NRCAM: variants seen among roughly 807,000 people sequenced by gnomAD.
NRCAM encodes the protein neuronal cell adhesion molecule.
In NRCAM, 83 loss-of-function variants were observed where a neutral mutation model predicts 156.5. That is an observed-to-expected ratio of 0.53 (90% CI 0.44 to 0.64). The LOEUF is 0.64. Among genes scored for constraint, NRCAM ranks in the 30% least tolerant of loss-of-function variants. The pLI is 0.00. For synonymous variants in NRCAM, 538 were observed against 563.9 expected (o/e 0.95, Z 0.65); for missense variants, 1,417 against 1,597.3 (o/e 0.89, Z 1.92).
At position 108,232,670 on chromosome 7, in the gene NRCAM, G is replaced by C. The variant is rs1483490648; in HGVS notation, c.231-148C>G. 1.3e-5 allele frequency: 7 copies of C among 539,294 alleles called. No homozygotes were observed. The African/African-American group carries it at 1.4e-4, about 11-fold the overall frequency. 33.4% of individuals were successfully genotyped at this position (539,294 alleles called of 1,614,324 possible). ...AGCAATAAGCCCTCATATCTAAAAT[G>C]TTTCATTGAATCATGACCTGGGAAA... On this transcript the variant is annotated intron_variant, in intron 6 of 32. Coordinates refer to ENST00000379028, the MANE Select transcript of NRCAM (RefSeq NM_001037132.4).
At chr7:108,423,565 G>A (rs1813085352) in intron 1 of NRCAM, among the ~76,000 whole-genome samples, 1 of 152,246 alleles carries the variant, frequency 6.6e-6, no homozygotes, top group South Asian at 2.1e-4. Context: ...AGGTTTGACT[G>A]ATGAGGTAAG....
intron 32 of NRCAM, 74 bp from the exon 33 acceptor site, chr7:108,150,221 G>A: frequency 8.0e-7 from 1 of 1,248,152 alleles, no homozygotes; most frequent in South Asian, 1.4e-5. Context: ...GACCATGCAT[G>A]CAAATTATGA....
intron 2 of NRCAM, among the ~76,000 whole-genome samples, chr7:108,350,173 ACT>A (rs1175726651): frequency 6.6e-6 from 1 of 151,640 alleles, no homozygotes; most frequent in African/African-American, 2.4e-5. Context: ...TTCCCTCTAT[ACT>A]CTCTGAAATG....
chr7:108,227,900 G>A (rs187597763), intron 8 of NRCAM, among the ~76,000 whole-genome samples: 158 of 152,324 alleles, frequency 1.0e-3, no homozygotes, highest in African/African-American at 3.6e-3. Context: ...GGAAAATGTG[G>A]AGGCAGAGCT....
intron 31 of NRCAM, 21 bp from the exon 32 acceptor site, chr7:108,159,562 A>G: frequency 1.4e-5 from 22 of 1,575,478 alleles, no homozygotes; most frequent in Non-Finnish European, 1.9e-5. Context: ...CCAAAATGGT[A>G]TTATTATCTG....
chr7:108,327,687 A>G (rs1053438617), intron 2 of NRCAM, among the ~76,000 whole-genome samples: 4 of 152,156 alleles, frequency 2.6e-5, no homozygotes, highest in African/African-American at 4.8e-5. Flanking sequence ...AACACATCCA[A>G]TTATGATATT....
intron 3 of NRCAM, among the ~76,000 whole-genome samples, chr7:108,299,041 G>C (rs1164511069): frequency 7.4e-6 from 1 of 135,198 alleles, no homozygotes; most frequent in African/African-American, 2.7e-5. Flanking sequence ...AGGAGGCAGA[G>C]TTTGCAGTGA....
intron 2 of NRCAM, among the ~76,000 whole-genome samples, chr7:108,333,635 G>A (rs1356084938): frequency 1.3e-5 from 2 of 152,078 alleles, no homozygotes; most frequent in African/African-American, 4.8e-5. Context: ...CAGGCACTCC[G>A]ATATATTTTT....
Position 108,191,747 on chromosome 7 carries a change from C to T in NRCAM, c.1885G>A (p.Ala629Thr), listed in dbSNP as rs139663718. The T allele has an allele frequency of 1.6e-5, 26 of 1,613,468 alleles. No individual in the cohort carries two copies. The highest frequency in any genetic ancestry group is 6.7e-5 in the Admixed American group (4 of 59,982). The change falls in exon 18 of 33, where the codon GCT becomes ACT. Residue 629 changes from alanine to threonine, a missense_variant. Around this residue, in one of 2 missense-constraint regions of NRCAM, gnomAD observed 1,238 missense variants for 1,336.4 expected, o/e 0.93. Transcript: ENST00000379028. ...NTTLDSVSAS[A>T]VLSVVAPTPT... Reference sequence around the variant, plus strand: ...TTCTTACCAACAACGCTAAGCACAGCGCTGGCGGAGACGCTGTCCAGAGTG... The same window carrying T: ...TTCTTACCAACAACGCTAAGCACAGTGCTGGCGGAGACGCTGTCCAGAGTG...
At chr7:108,372,841 C>A (rs143278506) in intron 2 of NRCAM, among the ~76,000 whole-genome samples, 1 of 152,230 alleles carries the variant, frequency 6.6e-6, no homozygotes, top group East Asian at 1.9e-4. Flanking sequence ...AGCATTCCTA[C>A]TTCTGGGTAT....
intron 22 of NRCAM, among the ~76,000 whole-genome samples, chr7:108,183,232 C>A (rs1370674717): frequency 6.6e-6 from 1 of 151,986 alleles, no homozygotes; most frequent in African/African-American, 2.4e-5. Context: ...ACATAGAATC[C>A]TTTTTATATT....
At chr7:108,226,923 G>A (rs554054641) in intron 8 of NRCAM, among the ~76,000 whole-genome samples, 12 of 152,242 alleles carry the variant, frequency 7.9e-5, no homozygotes, top group Admixed American at 5.2e-4. Flanking sequence ...GGCAGCAAAT[G>A]GCCAGCTGAC....
rs562581965 is a variant in NRCAM, at chr7:108,300,832, C to A, written c.-107+11833G>T. ...AAATTCAAATTTTTGATTAAAATAT[C>A]ATACTCAATACAACTCAATAACAGA... On this transcript the variant is annotated intron_variant, in intron 3 of 32. Transcript: ENST00000379028. Among the ~76,000 whole-genome samples, 12 of 152,106 alleles carry A rather than the reference C, an allele frequency of 7.9e-5. No homozygotes were observed. The East Asian group carries it at 2.3e-3, about 29-fold the overall frequency.
chr7:108,393,715 A>T (rs1456018013), intron 2 of NRCAM, among the ~76,000 whole-genome samples: 1 of 152,186 alleles, frequency 6.6e-6, no homozygotes, highest in East Asian at 1.9e-4. Context: ...CTATTCAGCC[A>T]TCTTGGAACC....
chr7:108,449,290 A>C (rs1847761445), intron 1 of NRCAM, among the ~76,000 whole-genome samples: 1 of 152,256 alleles, frequency 6.6e-6, no homozygotes, highest in African/African-American at 2.4e-5. Flanking sequence ...CTCGGCACTC[A>C]AACTGAAGCT....
At chr7:108,432,906 AGAGAG>A in intron 1 of NRCAM, among the ~76,000 whole-genome samples, 1 of 151,664 alleles carries the variant, frequency 6.6e-6, no homozygotes, top group Non-Finnish European at 1.5e-5. Flanking sequence ...AAAGAGAGAG[AGAGAG>A]AAAGAGAAAG....
At chr7:108,277,583 C>T (rs1179114790) in intron 3 of NRCAM, among the ~76,000 whole-genome samples, 2 of 151,902 alleles carry the variant, frequency 1.3e-5, no homozygotes, top group Non-Finnish European at 2.9e-5. Context: ...TTTTCAGCTC[C>T]ATCAGGTCAT....
chr7:108,182,833 C>T lies in NRCAM; in HGVS notation c.2392G>A (p.Val798Met), dbSNP rs1270353647. ...TATTTGGATACATTTGCCACAACCA[C>T]AGATGTCCATTCATCATCACCATCT... ...QKDGDDEWTS[V>M]VVANVSKYIV... The change falls in exon 23 of 33, where the codon GTG (valine) becomes ATG (methionine). Residue 798 changes from valine to methionine, a missense_variant. Physicochemically the swap from Val to Met is conservative, Grantham distance 21. Transcript: ENST00000379028. 6.2e-7 allele frequency: 1 copy of T among 1,614,264 alleles called. No individual in the cohort carries two copies. The highest frequency in any genetic ancestry group is 1.3e-5 in the African/African-American group (1 of 75,078).
At chr7:108,283,659 G>A (rs977637785) in intron 3 of NRCAM, among the ~76,000 whole-genome samples, 4 of 152,298 alleles carry the variant, frequency 2.6e-5, no homozygotes, top group South Asian at 4.2e-4. Flanking sequence ...ATTATCTACC[G>A]TGGTCTCACT....
Sources: allele counts gnomAD v4.1 joint callset (sites outside exome capture counted in the v4.1 genomes callset), GRCh38; gene constraint gnomAD v4.1.1; regional missense constraint gnomAD v4.1.1; transcripts MANE v1.5; gene names NCBI Gene and HGNC (gene_info 2026-07-23, HGNC 2026-07-21).